FCRL3: variants seen among roughly 807,000 people sequenced by gnomAD.
The protein encoded by FCRL3 is Fc receptor-like protein 3.
FCRL3 carries 89 observed loss-of-function variants against 75.0 expected under a neutral mutation model. The observed-to-expected ratio is 1.19, with a 90% CI of 1.00 to 1.42. The LOEUF is 1.42. Among genes scored for constraint, FCRL3 ranks in the 40% most tolerant of loss-of-function variants. FCRL3 has a pLI of 0.00. For synonymous variants in FCRL3, 376 were observed against 348.5 expected (o/e 1.08, Z -0.88); for missense variants, 946 against 880.0 (o/e 1.07, Z -0.95).
Position 157,689,936 on chromosome 1 carries a change from AC to A in FCRL3, c.1691-20del. 6.2e-7 allele frequency: 1 copy of A among 1,613,064 alleles called. No individual in the cohort carries two copies. The highest frequency in any genetic ancestry group is 8.5e-7 in the Non-Finnish European group (1 of 1,179,106). On this transcript the variant is annotated intron_variant, in intron 9 of 14. Coordinates refer to ENST00000368184, the MANE Select transcript of FCRL3 (RefSeq NM_052939.4). ...GAAGTTCCTGAGTGGAGGGAGCTGT[AC>A]TTGAGTTTCAGTGGCACAGGTTTTG...
chr1:157,679,828 C>CAAAA lies in FCRL3; in HGVS notation c.2027-856_2027-855insTTTT, dbSNP rs879258382. On this transcript the variant is annotated intron_variant, in intron 13 of 14. Transcript: ENST00000368184. Reference sequence around the variant, plus strand: ...TGGGCGACAGAACGAGACCCCATCTCACAAAAAAAAAAAAAAAAAAAAAAA... The same window carrying CAAAA: ...TGGGCGACAGAACGAGACCCCATCTCAAAAACAAAAAAAAAAAAAAAAAAAAAAA... Among the ~76,000 whole-genome samples, 56 of 27,900 alleles carry CAAAA rather than the reference C, an allele frequency of 2.0e-3. 1 individual carries two copies. The highest frequency in any genetic ancestry group is 3.7e-3 in the Non-Finnish European group (41 of 11,032). 18.3% of individuals were successfully genotyped at this position (27,900 alleles called of 152,430 possible).
At position 157,678,499 on chromosome 1, in the gene FCRL3, C is replaced by T; in HGVS notation, c.*211G>A. 2.1e-6 allele frequency: 3 copies of T among 1,408,466 alleles called. No individual in the cohort carries two copies. The highest frequency in any genetic ancestry group is 1.8e-6 in the Non-Finnish European group (2 of 1,083,812). 87.2% of individuals were successfully genotyped at this position (1,408,466 alleles called of 1,614,324 possible). A position where few individuals can be genotyped will look rare whatever the true frequency, so the allele number is the denominator to read the frequency against. On this transcript the variant is annotated 3_prime_UTR_variant, in exon 15 of 15. Coordinates refer to ENST00000368184, the MANE Select transcript of FCRL3 (RefSeq NM_052939.4). The stretch of plus-strand genomic sequence containing the variant: ...CCACGTGTCTCCACTGTGAAAATAA[C>T]ACAGTGCTTGCTCAGAGGCTGCCTG...
In FCRL3 at chr1:157,676,614, T is replaced by C. The variant is rs1654471149; in HGVS notation, c.*2096A>G. 8.7e-7 allele frequency: 1 copy of C among 1,145,808 alleles called. No homozygotes were observed. Among genetic ancestry groups the C allele is most frequent in the Non-Finnish European group, 1.3e-6 (1 of 792,978 alleles). 71.0% of individuals were successfully genotyped at this position (1,145,808 alleles called of 1,614,324 possible). Reference sequence around the variant, plus strand: ...AGCACTGCATGAGAATAATTCATTTTACAGGGCAATCAATCAGAATTTGCA... The same window carrying C: ...AGCACTGCATGAGAATAATTCATTTCACAGGGCAATCAATCAGAATTTGCA... On this transcript the variant is annotated 3_prime_UTR_variant, in exon 15 of 15. Transcript: ENST00000368184.
chr1:157,698,095 TC>T, intron 4 of FCRL3, 176 bp from the exon 5 acceptor site: 2 of 766,238 alleles, frequency 2.6e-6, no homozygotes, highest in Non-Finnish European at 4.1e-6. Flanking sequence ...GTGAACCAAT[TC>T]CCAGAAAATG....
chr1:157,690,444 T>A lies in FCRL3; in HGVS notation c.1501A>T (p.Arg501Ter). The A allele has an allele frequency of 6.2e-7, 1 of 1,614,220 alleles. No homozygotes were observed. The highest frequency in any genetic ancestry group is 8.5e-7 in the Non-Finnish European group (1 of 1,180,034). ...CAGTACAGGATCGGGAAGGAGCCTC[T>A]CAGGGACTCACAGTGAAGCTCCAGC... ...DLLELHCESL[R>*]GSFPILYWFY... is the part of the protein sequence containing the mutation. The change falls in exon 9 of 15, where the codon AGA becomes TGA. Residue 501 changes from arginine (R) to a stop codon, truncating the protein, a stop_gained. Coordinates refer to ENST00000368184, the MANE Select transcript of FCRL3 (RefSeq NM_052939.4). LOFTEE classifies it high-confidence loss of function.
intron 10 of FCRL3, among the ~76,000 whole-genome samples, chr1:157,685,247 G>A (rs1045030336): frequency 7.2e-5 from 11 of 151,860 alleles, no homozygotes; most frequent in Non-Finnish European, 1.5e-4. Flanking sequence ...TTTGGAAGTA[G>A]GAGGTGTGAC....
In FCRL3 at chr1:157,681,049, A is replaced by G. The variant is rs763650440; in HGVS notation, c.1889T>C (p.Ile630Thr). 6.9e-6 allele frequency: 11 copies of G among 1,605,264 alleles called. No homozygotes were observed. In the South Asian group the frequency reaches 7.8e-5, roughly 11 times the overall value. Residue 630 changes from isoleucine (I) to threonine (T), a missense_variant, in exon 12 of 15, where the codon ATA becomes ACA. By Grantham distance (89) the Ile-to-Thr change is moderately conservative (BLOSUM62 -1). Coordinates refer to ENST00000368184, the MANE Select transcript of FCRL3 (RefSeq NM_052939.4). ...QEPSSSRPSR[I>T]DPQEPTHSKP... The stretch of plus-strand genomic sequence containing the variant: ...AGAGTGAGTGGGCTCTTGAGGGTCT[A>G]TCCTGGAAGGCCTGGACGAGGAAGG...
chr1:157,697,768 T>C lies in FCRL3; in HGVS notation c.450A>G (p.Thr150=). The change falls in exon 5 of 15, where the codon ACA becomes ACG. Residue 150 remains threonine, a synonymous_variant. Transcript: ENST00000368184. ...TATTATCCCTGGAGACTGAATTCACTGTGATCTTCTCTAAATTATAACTAT... is the reference window on the plus strand; with the variant it reads ...TATTATCCCTGGAGACTGAATTCACCGTGATCTTCTCTAAATTATAACTAT... The part of the protein sequence containing the change: ...LPNSYNLEKI[T]VNSVSRDNSK... 6.2e-7 allele frequency: 1 copy of C among 1,614,170 alleles called. No homozygotes were observed. Among genetic ancestry groups the C allele is most frequent in the Non-Finnish European group, 8.5e-7 (1 of 1,180,018 alleles).
intron 8 of FCRL3, among the ~76,000 whole-genome samples, chr1:157,690,975 C>T (rs1397758379): frequency 6.6e-6 from 1 of 151,560 alleles, no homozygotes; most frequent in Non-Finnish European, 1.5e-5. Flanking sequence ...TTCTACATAG[C>T]ATTTAGCACT....
At position 157,679,009 on chromosome 1, in the gene FCRL3, T is replaced by G. The variant is rs181059230; in HGVS notation, c.2027-36A>C. On this transcript the variant is annotated intron_variant, in intron 13 of 14. Transcript: ENST00000368184. ...GGAGTAGCAAAGAAAAGTATTAAAC[T>G]GTGGGCAATATATTCCAACTTACAA... The G allele has an allele frequency of 1.2e-4, 201 of 1,612,004 alleles. 1 individual carries two copies. In the African/African-American group the frequency reaches 2.4e-3, roughly 19 times the overall value.
chr1:157,677,493 A>G lies in FCRL3; in HGVS notation c.*1217T>C. ...CTTGAGGTGTTCAGAGATATTTGGAAACATCAGGATTTCAGAATGGAGGTG... is the reference window on the plus strand; with the variant it reads ...CTTGAGGTGTTCAGAGATATTTGGAGACATCAGGATTTCAGAATGGAGGTG... On this transcript the variant is annotated 3_prime_UTR_variant, in exon 15 of 15. Coordinates refer to ENST00000368184, the MANE Select transcript of FCRL3 (RefSeq NM_052939.4). 1 of 985,430 alleles carries G rather than the reference A, an allele frequency of 1.0e-6. No homozygotes were observed. Among genetic ancestry groups the G allele is most frequent in the African/African-American group, 1.7e-5 (1 of 57,374 alleles). 61.0% of individuals were successfully genotyped at this position (985,430 alleles called of 1,614,324 possible). A position where few individuals can be genotyped will look rare whatever the true frequency, so the allele number is the denominator to read the frequency against.
intron 11 of FCRL3, among the ~76,000 whole-genome samples, chr1:157,682,335 T>A (rs568238152): frequency 6.6e-6 from 1 of 152,324 alleles, no homozygotes; most frequent in Admixed American, 6.5e-5. Context: ...ATGTCCTGAA[T>A]GGTATTGCCT....
chr1:157,679,842 A>AAC (rs1364894662), intron 13 of FCRL3, among the ~76,000 whole-genome samples: 1 of 142,004 alleles, frequency 7.0e-6, no homozygotes, highest in East Asian at 1.9e-4. Flanking sequence ...AAAAAAAAAA[A>AAC]AAAAAAAAAA....
In FCRL3 at chr1:157,681,540, G is replaced by C. The variant is rs569458608; in HGVS notation, c.1839-441C>G. ...AGTTTGCTGAGAATGATGGTTTCCA[G>C]TTTCATCCATGTTCCTACAAAGGAC... On this transcript the variant is annotated intron_variant, in intron 11 of 14. Transcript: ENST00000368184. 9.2e-5 allele frequency among the ~76,000 whole-genome samples: 14 copies of C among 151,998 alleles called. 1 individual carries two copies. In the South Asian group the frequency reaches 2.9e-3, roughly 32 times the overall value.
intron 2 of FCRL3, among the ~76,000 whole-genome samples, chr1:157,700,104 C>A (rs952874164): frequency 1.3e-5 from 2 of 152,152 alleles, no homozygotes; most frequent in Middle Eastern, 3.2e-3. Flanking sequence ...TCTCAGTAAA[C>A]CTTCCTTCAC....
Position 157,696,957 on chromosome 1 carries a change from C to A in FCRL3, c.844+183G>T, listed in dbSNP as rs79733453. ...GTAACTGATCAATAATTACTATTAC[C>A]TGACTCAAGTGGAAGAAAATGTTCT... On this transcript the variant is annotated intron_variant, in intron 6 of 14. Transcript: ENST00000368184. 3.3e-5 allele frequency: 15 copies of A among 457,180 alleles called. No individual in the cohort carries two copies. The East Asian group carries it at 5.3e-4, about 16-fold the overall frequency. 28.3% of individuals were successfully genotyped at this position (457,180 alleles called of 1,614,324 possible).
chr1:157,699,396 T>C (rs1383866290), intron 3 of FCRL3, among the ~76,000 whole-genome samples: 3 of 151,980 alleles, frequency 2.0e-5, no homozygotes, highest in African/African-American at 7.3e-5. Flanking sequence ...TACTAGAGAA[T>C]ATGGAGATCA....
chr1:157,678,818 G>A lies in FCRL3; in HGVS notation c.2097C>T (p.His699=). The change falls in exon 15 of 15, where the codon CAC becomes CAT. Residue 699 remains histidine, a synonymous_variant. Transcript: ENST00000368184. ...TAGCCTCCCCTGCAGAGTCGTCTGG[G>A]TGTGTCTTCTTCAGTTCTGAATAGA... ...TVLYSELKKT[H]PDDSAGEASS... The A allele has an allele frequency of 6.2e-7, 1 of 1,614,040 alleles. No individual in the cohort carries two copies. The highest frequency in any genetic ancestry group is 1.1e-5 in the South Asian group (1 of 91,080).
intron 10 of FCRL3, 68 bp from the exon 11 acceptor site, chr1:157,683,312 A>T: frequency 1.9e-6 from 3 of 1,567,180 alleles, no homozygotes; most frequent in Non-Finnish European, 2.6e-6. Flanking sequence ...CTGTTAGAAC[A>T]TTTTTTCCTA....
Sources: allele counts gnomAD v4.1 joint callset (sites outside exome capture counted in the v4.1 genomes callset), GRCh38; gene constraint gnomAD v4.1.1; transcripts MANE v1.5; gene names NCBI Gene and HGNC (gene_info 2026-07-23, HGNC 2026-07-21).